TSPYL2: variants seen among roughly 807,000 people sequenced by gnomAD.
The protein encoded by TSPYL2 is TSPY like 2.
TSPYL2 carries 9 observed loss-of-function variants against 33.0 expected under a neutral mutation model. That is an observed-to-expected ratio of 0.27 (90% CI 0.16 to 0.48). The LOEUF is 0.48. TSPYL2 is among the 20% of genes least tolerant of loss of function. The pLI is 0.99. For missense variants in TSPYL2, 636 were observed against 586.2 expected (o/e 1.08, Z -0.88); for synonymous variants, 330 against 233.6 (o/e 1.41, Z -3.77).
In TSPYL2 at chrX:53,086,297, G is replaced by A. The variant is rs1932763361; in HGVS notation, c.1905G>A (p.Glu635=). The A allele has an allele frequency of 8.3e-7, 1 of 1,207,921 alleles. No individual in the cohort carries two copies. The highest frequency in any genetic ancestry group is 1.1e-6 in the Non-Finnish European group (1 of 894,195). Residue 635 remains glutamate (E), a synonymous_variant, in exon 6 of 7, where the codon GAG becomes GAA. Coordinates refer to ENST00000375442, the MANE Select transcript of TSPYL2 (RefSeq NM_022117.4). ...TCTCAGACGAATCAGTGGAAGAAGA[G>A]GGCATTGAGGAAGGTGAGCTAATCC... is the stretch of plus-strand genomic sequence containing the variant. The part of the protein sequence containing the change: ...EIISDESVEE[E]GIEEGIQQDE...
chrX:53,085,593 C>T lies in TSPYL2; in HGVS notation c.1239-38C>T, dbSNP rs1556808280. On this transcript the variant is annotated intron_variant, in intron 5 of 6. Transcript: ENST00000375442. ...TTTGAGTGCTATGAGTACACCACCT[C>T]CCACCAACCCTATACTCAGCCACAG... 3.4e-6 allele frequency: 4 copies of T among 1,187,715 alleles called. No individual in the cohort carries two copies. In the African/African-American group the frequency reaches 7.1e-5, roughly 21 times the overall value.
Position 53,088,284 on chromosome X carries a change from A to AC in TSPYL2, c.*350dup, listed in dbSNP as rs1932794251. The AC allele has an allele frequency of 3.0e-5, 5 of 164,030 alleles. No homozygotes were observed. The South Asian group carries it at 1.3e-3, about 44-fold the overall frequency. The allele number at this position is 164,030 out of a possible 1,213,427, so 13.5% of individuals were successfully genotyped here. ...TGTGCTGTGTGGAGTGGACACCCTG[A>AC]CCCCCGAAGCGGGGAGGGCCGCTGT... On this transcript the variant is annotated 3_prime_UTR_variant, in exon 7 of 7. Coordinates refer to ENST00000375442, the MANE Select transcript of TSPYL2 (RefSeq NM_022117.4).
chrX:53,082,374 G>A lies in TSPYL2; in HGVS notation c.-125G>A, dbSNP rs1932628829. 2 of 628,369 alleles carry A rather than the reference G, an allele frequency of 3.2e-6. No individual in the cohort carries two copies. Among genetic ancestry groups the A allele is most frequent in the East Asian group, 4.2e-5 (1 of 23,711 alleles). 51.8% of individuals were successfully genotyped at this position (628,369 alleles called of 1,213,427 possible). ...GCTGTGGGAGGGAACGCCAGAGCGA[G>A]GTGGTGAGGAGAGCTGGTTGCGTGA... On this transcript the variant is annotated 5_prime_UTR_variant, in exon 1 of 7. Transcript: ENST00000375442.
chrX:53,083,849 G>A (rs1556807677), intron 1 of TSPYL2, among the ~76,000 whole-genome samples: 1 of 111,573 alleles, frequency 9.0e-6, no homozygotes, highest in Admixed American at 9.4e-5. Flanking sequence ...GGAGGGAGGG[G>A]GGCTGGAGCC....
At chrX:53,086,832 C>T (rs1204441836) in intron 6 of TSPYL2, 1 of 130,924 alleles carries the variant, frequency 7.6e-6, no homozygotes, top group Non-Finnish European at 1.5e-5. Context: ...GATGCATTCA[C>T]ACTGAGGAGC....
chrX:53,087,499 G>A, intron 6 of TSPYL2: 1 of 350,815 alleles, frequency 2.9e-6, no homozygotes, highest in Non-Finnish European at 5.0e-6. Flanking sequence ...AGGAGTACAA[G>A]GGGGAGAAAA....
At position 53,087,968 on chromosome X, in the gene TSPYL2, CTG is replaced by C; in HGVS notation, c.*31_*32del. 2 of 1,194,140 alleles carry C rather than the reference CTG, an allele frequency of 1.7e-6. No homozygotes were observed. Among genetic ancestry groups the C allele is most frequent in the South Asian group, 1.8e-5 (1 of 55,771 alleles). Reference sequence around the variant, plus strand: ...TTTTCCCCTTTTGGGGATCACCTCTCTGTATCCCCCACCCACTATCCCATTTG... The same window carrying C: ...TTTTCCCCTTTTGGGGATCACCTCTCTATCCCCCACCCACTATCCCATTTG... On this transcript the variant is annotated 3_prime_UTR_variant, in exon 7 of 7. Coordinates refer to ENST00000375442, the MANE Select transcript of TSPYL2 (RefSeq NM_022117.4).
Position 53,084,770 on chromosome X carries a change from C to T in TSPYL2, c.901C>T (p.His301Tyr). 1 of 1,209,789 alleles carries T rather than the reference C, an allele frequency of 8.3e-7. No homozygotes were observed. Among genetic ancestry groups the T allele is most frequent in the Non-Finnish European group, 1.1e-6 (1 of 894,229 alleles). The change falls in exon 3 of 7, where the codon CAT becomes TAT. Residue 301 changes from histidine (H) to tyrosine (Y), a missense_variant. Coordinates refer to ENST00000375442, the MANE Select transcript of TSPYL2 (RefSeq NM_022117.4). ...CCTGGAGCAGGTACAGGATCTCAGA[C>T]ATATCTCCATGGGCTACAAAATGAA... ...LTNLQVQDLR[H>Y]ISMGYKMKLY...
At position 53,084,854 on chromosome X, in the gene TSPYL2, C is replaced by T. The variant is rs781992684; in HGVS notation, c.985C>T (p.Arg329Cys). The T allele has an allele frequency of 5.5e-5, 67 of 1,210,424 alleles. No individual in the cohort carries two copies. Among genetic ancestry groups the T allele is most frequent in the Middle Eastern group, 2.3e-4 (1 of 4,345 alleles). Residue 329 changes from arginine to cysteine, a missense_variant, in exon 3 of 7, where the codon CGC becomes TGC. By Grantham distance (180) the Arg-to-Cys change is radical. Coordinates refer to ENST00000375442, the MANE Select transcript of TSPYL2 (RefSeq NM_022117.4). ...CATGGTGATTGTCAAGGAGTTCCAGCGCAACCGCTCAGGTAAGTGGCAGTA... is the reference window on the plus strand; with the variant it reads ...CATGGTGATTGTCAAGGAGTTCCAGTGCAACCGCTCAGGTAAGTGGCAGTA... ...TNMVIVKEFQRNRSGRLVSHS... is the reference protein window; with the variant it reads ...TNMVIVKEFQCNRSGRLVSHS...
chrX:53,084,428 A>G, intron 1 of TSPYL2, 117 bp from the exon 2 acceptor site: 2 of 616,186 alleles, frequency 3.2e-6, no homozygotes, highest in Non-Finnish European at 5.1e-6. Flanking sequence ...TATACACACC[A>G]CATAAGCACA....
In TSPYL2 at chrX:53,082,714, G is replaced by A; in HGVS notation, c.216G>A (p.Pro72=). 1 of 1,149,403 alleles carries A rather than the reference G, an allele frequency of 8.7e-7. No individual in the cohort carries two copies. Among genetic ancestry groups the A allele is most frequent in the East Asian group, 3.1e-5 (1 of 31,951 alleles). The allele number at this position is 1,149,403 out of a possible 1,213,427, so 94.7% of individuals were successfully genotyped here. Residue 72 remains proline, a synonymous_variant, in exon 1 of 7, where the codon CCG becomes CCA. Transcript: ENST00000375442. The part of the protein sequence containing the change: ...RGVGLGPALP[P]PPPYVILEEG... ...TGGGACTGGGCCCCGCGCTGCCCCC[G>A]CCGCCTCCCTATGTCATTCTCGAGG...
chrX:53,087,739 T>G (rs1350989223), intron 6 of TSPYL2, 37 bp from the exon 7 acceptor site: 1 of 1,176,901 alleles, frequency 8.5e-7, no homozygotes, highest in Non-Finnish European at 1.1e-6. Context: ...CTAACTGCCT[T>G]CCTCCATTTC....
At position 53,088,126 on chromosome X, in the gene TSPYL2, G is replaced by C; in HGVS notation, c.*187G>C. The C allele has an allele frequency of 6.7e-6, 3 of 450,479 alleles. No homozygotes were observed. The East Asian group carries it at 1.1e-4, about 17-fold the overall frequency. 37.1% of individuals were successfully genotyped at this position (450,479 alleles called of 1,213,427 possible). A position where few individuals can be genotyped will look rare whatever the true frequency, so the allele number is the denominator to read the frequency against. On this transcript the variant is annotated 3_prime_UTR_variant, in exon 7 of 7. Transcript: ENST00000375442. ...GTTCTTATTTTGGGGGGAGGGAAAG[G>C]GGGCTAGTCCCCTTCTTTTGGCCCT...
In TSPYL2 at chrX:53,085,671, G is replaced by A. The variant is rs782148691; in HGVS notation, c.1279G>A (p.Ala427Thr). Residue 427 changes from alanine to threonine, a missense_variant, in exon 6 of 7, where the codon GCC becomes ACC. Physicochemically the swap from Ala to Thr is moderately conservative, Grantham distance 58 (BLOSUM62 0). This residue lies in a region of TSPYL2 where 401 missense variants were observed against 363.0 expected (regional missense o/e 1.10). Coordinates refer to ENST00000375442, the MANE Select transcript of TSPYL2 (RefSeq NM_022117.4). Reference sequence around the variant, plus strand: ...ATGTGAGGTGGTGATCATGGAAGACGCCCCTGACTATTATGCAGTGGAAGA... The same window carrying A: ...ATGTGAGGTGGTGATCATGGAAGACACCCCTGACTATTATGCAGTGGAAGA... The part of the protein sequence containing the change: ...GRCEVVIMED[A>T]PDYYAVEDIF... The A allele has an allele frequency of 7.4e-6, 9 of 1,211,765 alleles. No individual in the cohort carries two copies. In the East Asian group the frequency reaches 8.9e-5, roughly 12 times the overall value.
At chrX:53,087,664 C>T (rs1932786396) in intron 6 of TSPYL2, 112 bp from the exon 7 acceptor site, 1 of 843,692 alleles carries the variant, frequency 1.2e-6, no homozygotes, top group Non-Finnish European at 1.7e-6. Context: ...GACAAGTTGT[C>T]CCAGGCCGCT....
intron 1 of TSPYL2, 84 bp downstream of exon 1, chrX:53,083,389 G>A: frequency 2.1e-6 from 2 of 951,724 alleles, no homozygotes; most frequent in Non-Finnish European, 1.5e-6. Context: ...AGGTAAAGCG[G>A]GTGGAGGAGA....
chrX:53,087,574 C>T lies in TSPYL2; in HGVS notation c.1919-202C>T, dbSNP rs782108793. On this transcript the variant is annotated intron_variant, in intron 6 of 6. Transcript: ENST00000375442. ...GATCCCACACTGCCTTCCTGCCTCCCTCCATCTCCCTCTCATTCTGTGGGC... is the reference window on the plus strand; with the variant it reads ...GATCCCACACTGCCTTCCTGCCTCCTTCCATCTCCCTCTCATTCTGTGGGC... 1.4e-5 allele frequency: 6 copies of T among 425,103 alleles called. No individual in the cohort carries two copies. In the East Asian group the frequency reaches 1.9e-4, roughly 13 times the overall value. The allele number at this position is 425,103 out of a possible 1,213,427, so 35.0% of individuals were successfully genotyped here.
At position 53,082,394 on chromosome X, in the gene TSPYL2, G is replaced by C. The variant is rs1602101298; in HGVS notation, c.-105G>C. 1.3e-6 allele frequency: 1 copy of C among 771,076 alleles called. No individual in the cohort carries two copies. The highest frequency in any genetic ancestry group is 3.9e-5 in the East Asian group (1 of 25,494). 63.5% of individuals were successfully genotyped at this position (771,076 alleles called of 1,213,427 possible). On this transcript the variant is annotated 5_prime_UTR_variant, in exon 1 of 7. Coordinates refer to ENST00000375442, the MANE Select transcript of TSPYL2 (RefSeq NM_022117.4). ...AGCGAGGTGGTGAGGAGAGCTGGTT[G>C]CGTGAGTCTCCTCAGCTCTGCTTAC...
chrX:53,087,226 C>T (rs1462755064), intron 6 of TSPYL2: 1 of 111,785 alleles, frequency 8.9e-6, no homozygotes, highest in East Asian at 2.8e-4. Flanking sequence ...GAATGTGGAG[C>T]CTCAATCTAG....
Sources: gnomAD v4.1 joint callset for allele counts (sites outside exome capture counted in the v4.1 genomes callset) on GRCh38, gnomAD v4.1.1 for gene constraint, gnomAD v4.1.1 regional missense constraint, MANE v1.5 for transcripts, NCBI Gene and HGNC (gene_info 2026-07-23, HGNC 2026-07-21) for gene names.